Variants in PPFIA3 observed in about 807,000 individuals in gnomAD.
The protein encoded by PPFIA3 is liprin-alpha-3.
A neutral mutation model predicts 145.8 loss-of-function variants in PPFIA3; 26 were observed. The observed-to-expected ratio is 0.18, with a 90% CI of 0.13 to 0.25. The LOEUF (loss-of-function observed/expected upper bound fraction) is 0.25. PPFIA3 is among the 10% of genes least tolerant of loss of function. The pLI, the probability that PPFIA3 is intolerant of heterozygous loss-of-function variation, is 1.00. For synonymous variants in PPFIA3, 645 were observed against 661.4 expected (o/e 0.98, Z 0.38); for missense variants, 1,008 against 1,587.8 (o/e 0.63, Z 6.21).
intron 11 of PPFIA3, among the ~76,000 whole-genome samples, 167 bp from the exon 12 acceptor site, chr19:49,134,472 T>A (rs2041113530): frequency 6.6e-6 from 1 of 152,104 alleles, no homozygotes; most frequent in Non-Finnish European, 1.5e-5. Context: ...CCGGGGCTTC[T>A]CTCCCCAGAA....
chr19:49,133,080 C>T lies in PPFIA3; in HGVS notation c.959C>T (p.Thr320Met), dbSNP rs1283787556. 3 of 1,613,066 alleles carry T rather than the reference C, an allele frequency of 1.9e-6. No individual in the cohort carries two copies. Among genetic ancestry groups the T allele is most frequent in the Non-Finnish European group, 2.5e-6 (3 of 1,179,928 alleles). Residue 320 changes from threonine to methionine, a missense_variant, in exon 8 of 30, where the codon ACG becomes ATG. This residue lies in a region of PPFIA3 where 109 missense variants were observed against 198.1 expected (regional missense o/e 0.55). Coordinates refer to ENST00000334186, the MANE Select transcript of PPFIA3 (RefSeq NM_003660.4). This position sits in a 1 kb window ranked among gnomAD's most constrained non-coding sequence, Gnocchi z 7.2. ...TACCTGAGCGCCCAGCGGGAGGCCA[C>T]GTCTCTGCACGACGCCAACGACAAA... The part of the protein sequence containing the change: ...KRYLSAQREA[T>M]SLHDANDKLE...
chr19:49,123,307 G>A (rs969969441), intron 1 of PPFIA3, among the ~76,000 whole-genome samples: 1 of 151,934 alleles, frequency 6.6e-6, no homozygotes, highest in Non-Finnish European at 1.5e-5. Flanking sequence ...GGGATTACAG[G>A]TGTGAGCCAC....
chr19:49,124,535 T>C (rs1275373125), intron 1 of PPFIA3, among the ~76,000 whole-genome samples: 1 of 152,196 alleles, frequency 6.6e-6, no homozygotes, highest in Non-Finnish European at 1.5e-5. Flanking sequence ...TGGTTCTAGA[T>C]TATAGGCTTC....
chr19:49,146,053 G>A (rs1391977965), intron 22 of PPFIA3, 48 bp downstream of exon 22: 2 of 1,608,042 alleles, frequency 1.2e-6, no homozygotes, highest in Non-Finnish European at 1.7e-6. Context: ...AACCTTCTTT[G>A]GGGGTGGGGG....
intron 1 of PPFIA3, among the ~76,000 whole-genome samples, chr19:49,122,985 T>C (rs1190317453): frequency 6.6e-6 from 1 of 151,484 alleles, no homozygotes; most frequent in Non-Finnish European, 1.5e-5. Context: ...CCTCCCAAAG[T>C]GTTGGGATTA....
intron 1 of PPFIA3, among the ~76,000 whole-genome samples, chr19:49,126,415 AT>A (rs531348791): frequency 6.6e-6 from 1 of 151,000 alleles, no homozygotes; most frequent in Non-Finnish European, 1.5e-5. Flanking sequence ...TGCCCGGCTA[AT>A]TTTTTTTGTA....
chr19:49,133,204 C>T lies in PPFIA3; in HGVS notation c.1027-33C>T. 1 of 1,587,968 alleles carries T rather than the reference C, an allele frequency of 6.3e-7. No individual in the cohort carries two copies. The highest frequency in any genetic ancestry group is 8.6e-7 in the Non-Finnish European group (1 of 1,165,464). ...CGGTGCCGGGGCCCAAGTGACCCAGCCCGTCCCCTCCCCCTGCCTCTCCCT... is the reference window on the plus strand; with the variant it reads ...CGGTGCCGGGGCCCAAGTGACCCAGTCCGTCCCCTCCCCCTGCCTCTCCCT... On this transcript the variant is annotated intron_variant, in intron 8 of 29. Transcript: ENST00000334186. This position sits in a 1 kb window ranked among gnomAD's most constrained non-coding sequence, Gnocchi z 7.2.
At position 49,149,734 on chromosome 19, in the gene PPFIA3, A is replaced by G. The variant is rs1300018029; in HGVS notation, c.3526+16A>G. ...CAGCCAGAAGGTGGGGGGCTCCCAAATGCGACAGCCCTTCCTCGCTTCCCT... is the reference window on the plus strand; with the variant it reads ...CAGCCAGAAGGTGGGGGGCTCCCAAGTGCGACAGCCCTTCCTCGCTTCCCT... On this transcript the variant is annotated intron_variant, in intron 28 of 29. Transcript: ENST00000334186. This position sits in a 1 kb window ranked among gnomAD's most constrained non-coding sequence, Gnocchi z 5.7. 1 of 1,590,594 alleles carries G rather than the reference A, an allele frequency of 6.3e-7. No homozygotes were observed.
Position 49,128,110 on chromosome 19 carries a change from C to A in PPFIA3, c.237C>A (p.Pro79=). The A allele has an allele frequency of 6.4e-7, 1 of 1,554,062 alleles. No homozygotes were observed. Among genetic ancestry groups the A allele is most frequent in the East Asian group, 2.4e-5 (1 of 42,416 alleles). The change falls in exon 2 of 30, where the codon CCC becomes CCA. Residue 79 remains proline (P), a synonymous_variant. Transcript: ENST00000334186. The surrounding 1 kb of genome is among the most constrained non-coding windows in gnomAD (Gnocchi z 4.1). ...SLQRQLSIAL[P]QEFAALTKEL... ...AGCGCCAGCTCAGCATCGCGCTGCC[C>A]CAGGTCTGGGCGGGACAGGGGCGGG... is the stretch of plus-strand genomic sequence containing the variant.
rs1356518043 is a variant in PPFIA3, at chr19:49,149,314, C to A, written c.3343C>A (p.Arg1115=). 3.7e-6 allele frequency: 6 copies of A among 1,614,012 alleles called. No homozygotes were observed. The highest frequency in any genetic ancestry group is 3.3e-5 in the Admixed American group (2 of 60,008). Reference sequence around the variant, plus strand: ...CCTTATCTCCTTAGGCACAGACAGGCGGCTGGACGAGGTGGGCGCGGCAAC... The same window carrying A: ...CCTTATCTCCTTAGGCACAGACAGGAGGCTGGACGAGGTGGGCGCGGCAAC... ...SNLISLGTDR[R]LDEDSAKSFS... is the part of the protein sequence containing the mutation. Residue 1115 remains arginine (R), a synonymous_variant, in exon 27 of 30, where the codon CGG becomes AGG. Coordinates refer to ENST00000334186, the MANE Select transcript of PPFIA3 (RefSeq NM_003660.4). The surrounding 1 kb of genome is among the most constrained non-coding windows in gnomAD (Gnocchi z 5.7).
Position 49,130,266 on chromosome 19 carries a change from C to A in PPFIA3, c.658-112C>A. Reference sequence around the variant, plus strand: ...ACTGACCCCCGTGGACTCTGACCAGCATGATCCTTATTGATCTTTGATCTA... The same window carrying A: ...ACTGACCCCCGTGGACTCTGACCAGAATGATCCTTATTGATCTTTGATCTA... On this transcript the variant is annotated intron_variant, in intron 6 of 29. Transcript: ENST00000334186. This position sits in a 1 kb window ranked among gnomAD's most constrained non-coding sequence, Gnocchi z 4.5. 8.1e-7 allele frequency: 1 copy of A among 1,239,894 alleles called. No individual in the cohort carries two copies. Among genetic ancestry groups the A allele is most frequent in the Non-Finnish European group, 1.1e-6 (1 of 895,976 alleles). 76.8% of individuals were successfully genotyped at this position (1,239,894 alleles called of 1,614,324 possible). A position where few individuals can be genotyped will look rare whatever the true frequency, so the allele number is the denominator to read the frequency against.
In PPFIA3 at chr19:49,146,147, C is replaced by G; in HGVS notation, c.2809-19C>G. 6.2e-7 allele frequency: 1 copy of G among 1,614,206 alleles called. No homozygotes were observed. The highest frequency in any genetic ancestry group is 1.1e-5 in the South Asian group (1 of 91,084). ...CCTTAACTCACCCCTTCTCTCCCCT[C>G]TTCCTACTAACGGGTCAGGAGACCA... On this transcript the variant is annotated intron_variant, in intron 22 of 29. Coordinates refer to ENST00000334186, the MANE Select transcript of PPFIA3 (RefSeq NM_003660.4).
At chr19:49,131,662 TA>T (rs34754321) in intron 7 of PPFIA3, among the ~76,000 whole-genome samples, 1,680 of 147,330 alleles carry the variant, frequency 0.011, 11 homozygotes, top group Non-Finnish European at 0.014. Context: ...CGTCACTACT[TA>T]AAAAAAAAAT....
Position 49,122,691 on chromosome 19 carries a change from TTTGTTG to T in PPFIA3, c.-16+2981_-16+2986del, listed in dbSNP as rs370480751. ...AGTTCTATCTAATTGCACATTCTTTTTTGTTGTTGTTGTTGTTTAGTTGTTTTTTTT... is the reference window on the plus strand; with the variant it reads ...AGTTCTATCTAATTGCACATTCTTTTTTGTTGTTGTTTAGTTGTTTTTTTT... On this transcript the variant is annotated intron_variant, in intron 1 of 29. Transcript: ENST00000334186. Among the ~76,000 whole-genome samples, 565 of 151,914 alleles carry T rather than the reference TTTGTTG, an allele frequency of 3.7e-3. 2 individuals carry two copies. Among genetic ancestry groups the T allele is most frequent in the African/African-American group, 0.013 (546 of 41,368 alleles).
At chr19:49,131,418 C>A (rs1030169448) in intron 7 of PPFIA3, among the ~76,000 whole-genome samples, 1 of 148,716 alleles carries the variant, frequency 6.7e-6, no homozygotes, top group African/African-American at 2.5e-5. Flanking sequence ...CTCCTGACCT[C>A]AAGTGATCAG....
intron 16 of PPFIA3, among the ~76,000 whole-genome samples, chr19:49,138,932 C>G (rs985134543): frequency 6.6e-6 from 1 of 151,692 alleles, no homozygotes; most frequent in Non-Finnish European, 1.5e-5. Flanking sequence ...AATTGTGCCA[C>G]TGCACTCCAA....
intron 1 of PPFIA3, among the ~76,000 whole-genome samples, 158 bp downstream of exon 1, chr19:49,119,880 C>T (rs1375404316): frequency 2.0e-5 from 3 of 151,912 alleles, no homozygotes; most frequent in African/African-American, 7.2e-5. Context: ...CGTGCCCCTC[C>T]CGGCGCCCAG....
Position 49,148,275 on chromosome 19 carries a change from C to A in PPFIA3, c.3011+17C>A, listed in dbSNP as rs1420964584. 6.2e-7 allele frequency: 1 copy of A among 1,609,404 alleles called. No individual in the cohort carries two copies. Among genetic ancestry groups the A allele is most frequent in the African/African-American group, 1.3e-5 (1 of 74,884 alleles). ...CTTTCACAGGTGGGGGCTGCCTGGC[C>A]AGTGGGGACAGTCCAAAGGGAAGCC... On this transcript the variant is annotated intron_variant, in intron 24 of 29. Coordinates refer to ENST00000334186, the MANE Select transcript of PPFIA3 (RefSeq NM_003660.4).
At position 49,149,386 on chromosome 19, in the gene PPFIA3, A is replaced by AG. The variant is rs2041316546; in HGVS notation, c.3354+66dup. On this transcript the variant is annotated intron_variant, in intron 27 of 29. Transcript: ENST00000334186. The surrounding 1 kb of genome is among the most constrained non-coding windows in gnomAD (Gnocchi z 5.7). ...AGCGGCTCCTCGAGAGGCTGAGCTG[A>AG]GGGGGCGGGGCCTGACTATTAATGG... 6 of 1,603,092 alleles carry AG rather than the reference A, an allele frequency of 3.7e-6. No homozygotes were observed. In the Admixed American group the frequency reaches 6.7e-5, roughly 18 times the overall value.
Sources: allele counts gnomAD v4.1 joint callset (sites outside exome capture counted in the v4.1 genomes callset), GRCh38; gene constraint gnomAD v4.1.1; regional missense constraint gnomAD v4.1.1; non-coding constraint Gnocchi (gnomAD v3.1); transcripts MANE v1.5; gene names NCBI Gene and HGNC (gene_info 2026-07-23, HGNC 2026-07-21).